Variants in BCAR3 observed in about 807,000 individuals in gnomAD.
BCAR3 encodes the protein breast cancer anti-estrogen resistance protein 3.
In BCAR3, 37 loss-of-function variants were observed where a neutral mutation model predicts 80.1. The ratio of observed to expected loss-of-function variants is 0.46; its 90% CI spans 0.36 to 0.61. The LOEUF (loss-of-function observed/expected upper bound fraction) is 0.61, where lower values mean the gene tolerates loss of function less well. BCAR3 is among the 20% of genes least tolerant of loss of function. The probability of loss-of-function intolerance (pLI) is 0.00; values close to 1 mark genes in which losing one functional copy is unlikely to be tolerated. For synonymous variants in BCAR3, 389 were observed against 418.9 expected, an observed-to-expected ratio of 0.93 and a Z score of 0.87; for missense variants, 978 against 1,068.2, an observed-to-expected ratio of 0.92 and a Z score of 1.18.
intron 3 of BCAR3, among the ~76,000 whole-genome samples, chr1:93,595,276 C>A (rs1674376707): frequency 6.6e-6 from 1 of 152,162 alleles, no homozygotes; most frequent in Non-Finnish European, 1.5e-5. Context: ...GAAGGTTACA[C>A]AACTGCCTAG....
intron 3 of BCAR3, among the ~76,000 whole-genome samples, chr1:93,638,911 C>A (rs1056673983): frequency 2.0e-5 from 3 of 152,174 alleles, no homozygotes; most frequent in Non-Finnish European, 4.4e-5. Flanking sequence ...AAACAAAATT[C>A]TCTCCTGTAA....
intron 1 of BCAR3, chr1:93,846,942 TAAACACGCAC>T: frequency 2.3e-6 from 1 of 437,858 alleles, no homozygotes; most frequent in South Asian, 1.6e-5. Flanking sequence ...CCCGCGCAAA[TAAACACGCAC>T]AAGCACGCAC....
chr1:93,662,328 G>A (rs1177253721), intron 2 of BCAR3, among the ~76,000 whole-genome samples: 1 of 152,198 alleles, frequency 6.6e-6, no homozygotes, highest in African/African-American at 2.4e-5. Context: ...TTTTTCGTGT[G>A]TGGCTGTTTA....
chr1:93,708,435 A>G (rs1002014136), intron 2 of BCAR3, among the ~76,000 whole-genome samples: 2 of 152,114 alleles, frequency 1.3e-5, no homozygotes, highest in Non-Finnish European at 2.9e-5. Context: ...TTTCTCCCTC[A>G]TCATCTCACA....
Position 93,623,137 on chromosome 1 carries a change from A to C in BCAR3, c.357+19167T>G, listed in dbSNP as rs3767984. ...GGAGGCAATGGGTATCCAGTACATA[A>C]ACCAGGAGGGAGATAAACTAGGGAA... On this transcript the variant is annotated intron_variant, in intron 3 of 11. Transcript: ENST00000260502. 1.1e-3 allele frequency among the ~76,000 whole-genome samples: 172 copies of C among 152,350 alleles called. 1 individual carries two copies. In the East Asian group the frequency reaches 0.02, roughly 18 times the overall value.
upstream of BCAR3, among the ~76,000 whole-genome samples, chr1:93,684,593 A>G (rs1397249914): frequency 2.0e-5 from 3 of 152,246 alleles, no homozygotes; most frequent in Non-Finnish European, 4.4e-5. Flanking sequence ...CTCATCTTAC[A>G]TGGGAGGAAA....
chr1:93,726,483 C>T (rs1650587735), intron 2 of BCAR3, among the ~76,000 whole-genome samples: 1 of 152,042 alleles, frequency 6.6e-6, no homozygotes, highest in Non-Finnish European at 1.5e-5. Flanking sequence ...GGCTTAACTG[C>T]TTTAATTAAT....
At chr1:93,685,501 G>A (rs1288911182), upstream of BCAR3, among the ~76,000 whole-genome samples, 1 of 152,112 alleles carries the variant, frequency 6.6e-6, no homozygotes, top group Non-Finnish European at 1.5e-5. Flanking sequence ...AGTACAGAGG[G>A]ACTCTCTTCA....
intron 7 of BCAR3, 98 bp downstream of exon 7, chr1:93,582,203 C>T: frequency 6.9e-7 from 1 of 1,456,954 alleles, no homozygotes; most frequent in Non-Finnish European, 9.2e-7. Flanking sequence ...AGATGGATCC[C>T]CTCCTTCCAA....
At chr1:93,741,030 T>G (rs543857831) in intron 2 of BCAR3, among the ~76,000 whole-genome samples, 4 of 152,226 alleles carry the variant, frequency 2.6e-5, no homozygotes, top group Non-Finnish European at 5.9e-5. Flanking sequence ...TGCTTGTCTC[T>G]GAGCTAGAGT....
intron 2 of BCAR3, among the ~76,000 whole-genome samples, chr1:93,731,722 T>C (rs1650798298): frequency 6.6e-6 from 1 of 152,070 alleles, no homozygotes; most frequent in South Asian, 2.1e-4. Flanking sequence ...TCCAAGCAAT[T>C]TTCTCTCCCT....
In BCAR3 at chr1:93,571,831, T is replaced by C; in HGVS notation, c.1813A>G (p.Met605Val). The C allele has an allele frequency of 6.2e-7, 1 of 1,612,958 alleles. No homozygotes were observed. The highest frequency in any genetic ancestry group is 8.5e-7 in the Non-Finnish European group (1 of 1,179,350). ...RLDIIERHNT[M>V]AIGIAVDILG... ...ATGTCCACTGCAATGCCGATGGCCA[T>C]TGTGTTGTGTCTGAAAGCCAGGAGA... Residue 605 changes from methionine to valine, a missense_variant, in exon 9 of 12, where the codon ATG (methionine) becomes GTG (valine). Coordinates refer to ENST00000260502, the MANE Select transcript of BCAR3 (RefSeq NM_003567.4).
chr1:93,617,509 C>A (rs1675164860), intron 3 of BCAR3, among the ~76,000 whole-genome samples: 1 of 152,212 alleles, frequency 6.6e-6, no homozygotes, highest in African/African-American at 2.4e-5. Context: ...CCCCAGGCTT[C>A]AAGGCCTGGC....
chr1:93,716,038 G>C (rs1650179000), intron 2 of BCAR3, among the ~76,000 whole-genome samples: 1 of 152,222 alleles, frequency 6.6e-6, no homozygotes, highest in East Asian at 1.9e-4. Context: ...GCGAGCTGCA[G>C]GGTGTTGGAA....
intron 2 of BCAR3, among the ~76,000 whole-genome samples, chr1:93,804,798 T>C (rs1193266820): frequency 6.6e-6 from 1 of 152,236 alleles, no homozygotes; most frequent in African/African-American, 2.4e-5. Flanking sequence ...TATCCATTCA[T>C]CAGTTGATGA....
chr1:93,822,414 A>C (rs950052487), intron 2 of BCAR3, among the ~76,000 whole-genome samples: 1 of 151,118 alleles, frequency 6.6e-6, no homozygotes, highest in Non-Finnish European at 1.5e-5. Flanking sequence ...GTCTTGGCTC[A>C]CTGCAACCTC....
chr1:93,801,793 AG>A (rs1356892471), intron 2 of BCAR3, among the ~76,000 whole-genome samples: 1 of 152,162 alleles, frequency 6.6e-6, no homozygotes, highest in East Asian at 1.9e-4. Context: ...ATATATAGTA[AG>A]GCAACATAGT....
At chr1:93,593,259 G>T (rs984893659) in intron 3 of BCAR3, among the ~76,000 whole-genome samples, 1 of 152,208 alleles carries the variant, frequency 6.6e-6, no homozygotes, top group Non-Finnish European at 1.5e-5. Context: ...AACAGAAAAA[G>T]GCTGTGTCCC....
In BCAR3 at chr1:93,691,078, G is replaced by A. The variant is rs1649170254; in HGVS notation, c.-12+15014C>T. Among the ~76,000 whole-genome samples, 3 of 152,188 alleles carry A rather than the reference G, an allele frequency of 2.0e-5. No homozygotes were observed. The South Asian group carries it at 6.2e-4, about 32-fold the overall frequency. On this transcript the variant is annotated intron_variant, in intron 3 of 13. Coordinates refer to the BCAR3 transcript ENST00000370244. Reference sequence around the variant, plus strand: ...GGGTAAAATATCACTATACTCAGGAGGAGAATATGGAGCCTCAGGGATTGC... The same window carrying A: ...GGGTAAAATATCACTATACTCAGGAAGAGAATATGGAGCCTCAGGGATTGC...
Sources: allele counts gnomAD v4.1 joint callset (sites outside exome capture counted in the v4.1 genomes callset), GRCh38; gene constraint gnomAD v4.1.1; transcripts MANE v1.5; gene names NCBI Gene and HGNC (gene_info 2026-07-23, HGNC 2026-07-21).